Variants in DNAJB14 observed in about 807,000 individuals in gnomAD.
DNAJB14 encodes DnaJ heat shock protein family (Hsp40) member B14, also known as dnaJ homolog subfamily B member 14.
DNAJB14 carries 22 observed loss-of-function variants against 48.4 expected under a neutral mutation model. The observed-to-expected ratio is 0.45, with a 90% CI of 0.32 to 0.65. The LOEUF (loss-of-function observed/expected upper bound fraction) is 0.65, where lower values mean the gene tolerates loss of function less well. Among genes scored for constraint, DNAJB14 ranks in the 30% least tolerant of loss-of-function variants. The pLI is 0.03. For missense variants in DNAJB14, 319 were observed against 458.8 expected, an observed-to-expected ratio of 0.70 and a Z score of 2.78; for synonymous variants, 142 against 158.7, an observed-to-expected ratio of 0.89 and a Z score of 0.79.
intron 3 of DNAJB14, among the ~76,000 whole-genome samples, chr4:99,921,391 C>T (rs975627216): frequency 2.0e-5 from 3 of 152,152 alleles, no homozygotes; most frequent in Admixed American, 6.5e-5. Flanking sequence ...GAGTGTCTAG[C>T]GGGCTTCCTT....
chr4:99,931,919 T>C (rs983261976), intron 1 of DNAJB14, among the ~76,000 whole-genome samples: 3 of 151,994 alleles, frequency 2.0e-5, no homozygotes, highest in Non-Finnish European at 4.4e-5. Context: ...TAGAACTGAA[T>C]AGAAATTAAA....
At position 99,903,888 on chromosome 4, in the gene DNAJB14, G is replaced by T. The variant is rs1273551296; in HGVS notation, c.853C>A (p.Gln285Lys). Residue 285 changes from glutamine (Q) to lysine (K), a missense_variant, in exon 7 of 8, where the codon CAA becomes AAA. Physicochemically the swap from Gln to Lys is moderately conservative, Grantham distance 53. Coordinates refer to ENST00000442697, the MANE Select transcript of DNAJB14 (RefSeq NM_001031723.4). ...YSLYPRSGTGQTIKMQTENLG... is the reference protein window; with the variant it reads ...YSLYPRSGTGKTIKMQTENLG... ...TTTTCTGTTTGCATTTTAATAGTTT[G>T]CCCAGTTCCACTGTAAAAGAGATGC... 6 of 1,611,620 alleles carry T rather than the reference G, an allele frequency of 3.7e-6. No individual in the cohort carries two copies. The highest frequency in any genetic ancestry group is 5.1e-6 in the Non-Finnish European group (6 of 1,179,000).
chr4:99,944,824 G>A (rs1314053718), intron 1 of DNAJB14, among the ~76,000 whole-genome samples: 4 of 152,194 alleles, frequency 2.6e-5, no homozygotes, highest in South Asian at 4.2e-4. Context: ...TGATCCGCCC[G>A]CCTCGGCCTC....
chr4:99,908,968 A>C (rs1393616585), intron 3 of DNAJB14, 72 bp from the exon 4 acceptor site: 2 of 1,110,488 alleles, frequency 1.8e-6, no homozygotes, highest in Non-Finnish European at 2.5e-6. Context: ...CATAAAAACT[A>C]ACATCATGCT....
chr4:99,926,984 A>G (rs1182957473), intron 2 of DNAJB14: 1 of 152,192 alleles, frequency 6.6e-6, no homozygotes, highest in Non-Finnish European at 1.5e-5. Flanking sequence ...TATCATTCAT[A>G]TAATTATTTT....
chr4:99,921,691 T>A (rs892388930), intron 3 of DNAJB14, among the ~76,000 whole-genome samples: 1 of 152,318 alleles, frequency 6.6e-6, no homozygotes, highest in East Asian at 1.9e-4. Context: ...TTTGGGGGAA[T>A]ATATGATAAT....
intron 2 of DNAJB14, chr4:99,923,958 A>G: frequency 1.3e-6 from 1 of 761,684 alleles, no homozygotes; most frequent in Non-Finnish European, 1.6e-6. Flanking sequence ...TGATAAGCAC[A>G]TTTCTAAAGA....
intron 1 of DNAJB14, among the ~76,000 whole-genome samples, chr4:99,943,024 A>G (rs1726936977): frequency 6.6e-6 from 1 of 152,198 alleles, no homozygotes; most frequent in African/African-American, 2.4e-5. Context: ...CAAATGTCCT[A>G]GATCTTTCTC....
intron 1 of DNAJB14, among the ~76,000 whole-genome samples, chr4:99,932,903 G>A (rs561248996): frequency 3.3e-5 from 5 of 152,254 alleles, no homozygotes; most frequent in South Asian, 2.1e-4. Context: ...ATACGGTTCC[G>A]TTTATATGAA....
chr4:99,928,514 C>T (rs578142582), intron 2 of DNAJB14: 4 of 428,656 alleles, frequency 9.3e-6, no homozygotes, highest in South Asian at 5.0e-5. Context: ...AAAACCAACC[C>T]CACCCCACAT....
chr4:99,930,729 G>T lies in DNAJB14; in HGVS notation c.134-108C>A, dbSNP rs529635185. 65 of 1,223,292 alleles carry T rather than the reference G, an allele frequency of 5.3e-5. 1 individual carries two copies. In the Admixed American group the frequency reaches 7.7e-4, roughly 14 times the overall value. 75.8% of individuals were successfully genotyped at this position (1,223,292 alleles called of 1,614,324 possible). A position where few individuals can be genotyped will look rare whatever the true frequency, so the allele number is the denominator to read the frequency against. On this transcript the variant is annotated intron_variant, in intron 1 of 7. Transcript: ENST00000442697. ...AATTATGAAGTGTGTTCTCCAAAAAGATTCACCATAGGATCTTTTTAATTA... is the reference window on the plus strand; with the variant it reads ...AATTATGAAGTGTGTTCTCCAAAAATATTCACCATAGGATCTTTTTAATTA...
chr4:99,916,980 A>C (rs1212954529), intron 3 of DNAJB14, among the ~76,000 whole-genome samples: 1 of 151,972 alleles, frequency 6.6e-6, no homozygotes, highest in Non-Finnish European at 1.5e-5. Flanking sequence ...TAAAAATACA[A>C]AAAAATTAGC....
At chr4:99,924,188 T>C (rs758523264) in intron 2 of DNAJB14, 1 of 152,316 alleles carries the variant, frequency 6.6e-6, no homozygotes, top group Non-Finnish European at 1.5e-5. Context: ...ATGTGTTCCA[T>C]GTGCAGGTGG....
rs749644911 is a variant in DNAJB14, at chr4:99,930,514, T to G, written c.241A>C (p.Ser81Arg). The G allele has an allele frequency of 6.2e-7, 1 of 1,612,944 alleles. No individual in the cohort carries two copies. The highest frequency in any genetic ancestry group is 1.1e-5 in the South Asian group (1 of 90,762). ...CCACCTTCACCACTACCAGATGTGC[T>G]GTCCTTTGTGCAATTAGGCTTGCTT... ...DQSKPNCTKD[S>R]TSGSGEGGKG... Residue 81 changes from serine (S) to arginine (R), a missense_variant, in exon 2 of 8, where the codon AGC becomes CGC. Around this residue, in one of 3 missense-constraint regions of DNAJB14, gnomAD observed 116 missense variants for 134.6 expected, o/e 0.86. Coordinates refer to ENST00000442697, the MANE Select transcript of DNAJB14 (RefSeq NM_001031723.4).
intron 2 of DNAJB14, 112 bp from the exon 3 acceptor site, chr4:99,923,297 CA>C (rs765277415): frequency 1.3e-4 from 127 of 1,010,266 alleles, no homozygotes; most frequent in Non-Finnish European, 1.7e-4. Flanking sequence ...GACTCTTTCT[CA>C]AAATCTAATG....
intron 6 of DNAJB14, among the ~76,000 whole-genome samples, chr4:99,905,147 AAAGT>A (rs1438321314): frequency 6.6e-6 from 1 of 151,996 alleles, no homozygotes; most frequent in Non-Finnish European, 1.5e-5. Context: ...TCTTACACAT[AAAGT>A]ATATGGTGAA....
intron 1 of DNAJB14, among the ~76,000 whole-genome samples, chr4:99,932,164 A>T (rs1027984110): frequency 6.6e-6 from 1 of 152,122 alleles, no homozygotes; most frequent in Non-Finnish European, 1.5e-5. Flanking sequence ...AAAGGAAAAC[A>T]GAGAAAATGG....
At position 99,901,111 on chromosome 4, in the gene DNAJB14, G is replaced by A. The variant is rs780594966; in HGVS notation, c.1057C>T (p.Arg353Ter). Residue 353 changes from arginine (R) to a stop codon, truncating the protein, a stop_gained, in exon 8 of 8, where the codon CGA (arginine) becomes TGA (stop). Coordinates refer to ENST00000442697, the MANE Select transcript of DNAJB14 (RefSeq NM_001031723.4). LOFTEE classifies it high-confidence loss of function. ...QYAAKVYRDDRLRRKADALSM... is the reference protein window; with the variant it reads ...QYAAKVYRDD The stretch of plus-strand genomic sequence containing the variant: ...AAGGCATCTGCCTTCCTTCGGAGTC[G>A]ATCATCACGGTATACTTTTGCTGCA... The A allele has an allele frequency of 5.0e-6, 8 of 1,610,594 alleles. No homozygotes were observed. The highest frequency in any genetic ancestry group is 2.2e-5 in the South Asian group (2 of 90,896).
chr4:99,933,194 T>G (rs1487399191), intron 1 of DNAJB14, among the ~76,000 whole-genome samples: 1 of 151,400 alleles, frequency 6.6e-6, no homozygotes, highest in Non-Finnish European at 1.5e-5. Flanking sequence ...ATACACACAC[T>G]CTCAATATTA....
Sources: gnomAD v4.1 joint callset for allele counts (sites outside exome capture counted in the v4.1 genomes callset) on GRCh38, gnomAD v4.1.1 for gene constraint, gnomAD v4.1.1 regional missense constraint, MANE v1.5 for transcripts, NCBI Gene and HGNC (gene_info 2026-07-23, HGNC 2026-07-21) for gene names.